Variants in DCDC1 observed in about 807,000 individuals in gnomAD.
The protein encoded by DCDC1 is doublecortin domain-containing protein 1.
Under a neutral mutation model 178.3 loss-of-function variants are expected in DCDC1, and 200 were observed. The observed-to-expected ratio is 1.12, with a 90% CI of 1.00 to 1.26. The LOEUF (loss-of-function observed/expected upper bound fraction) is 1.26, where lower values mean the gene tolerates loss of function less well. DCDC1 is among the 50% of genes most tolerant of loss of function. The probability of loss-of-function intolerance (pLI) is 0.00; values close to 1 mark genes in which losing one functional copy is unlikely to be tolerated. For missense variants in DCDC1, 1,983 were observed against 1,749.2 expected (o/e 1.13, Z -2.38); for synonymous variants, 690 against 604.8 (o/e 1.14, Z -2.07).
At chr11:30,962,054 T>G (rs1949131060) in intron 20 of DCDC1, among the ~76,000 whole-genome samples, 1 of 152,072 alleles carries the variant, frequency 6.6e-6, no homozygotes, top group Non-Finnish European at 1.5e-5. Flanking sequence ...TAGCCCATTT[T>G]TATTTTGCAA....
At chr11:31,327,561 G>GT in intron 3 of DCDC1, among the ~76,000 whole-genome samples, 1 of 152,044 alleles carries the variant, frequency 6.6e-6, no homozygotes. Flanking sequence ...TGCCATTATC[G>GT]TTATTATCAT....
intron 9 of DCDC1, among the ~76,000 whole-genome samples, chr11:31,210,289 CAA>C (rs1443301039): frequency 6.6e-6 from 1 of 152,176 alleles, no homozygotes; most frequent in Non-Finnish European, 1.5e-5. Context: ...CACTGACTAT[CAA>C]TTGTTCCCAG....
At chr11:30,904,447 T>G (rs1210891811) in intron 31 of DCDC1, 2 of 159,618 alleles carry the variant, frequency 1.3e-5, no homozygotes, top group Non-Finnish European at 2.8e-5. Flanking sequence ...TAGCTTCTTC[T>G]CTCTTCCTAT....
chr11:31,024,412 A>G (rs1428417611), intron 20 of DCDC1, among the ~76,000 whole-genome samples: 1 of 151,948 alleles, frequency 6.6e-6, no homozygotes, highest in Non-Finnish European at 1.5e-5. Context: ...AGGAACAAAG[A>G]CATGTAAAAA....
intron 7 of DCDC1, 26 bp downstream of exon 7, chr11:31,290,621 T>C: frequency 2.6e-6 from 4 of 1,567,306 alleles, no homozygotes; most frequent in Non-Finnish European, 3.5e-6. Context: ...ATTAAATTCA[T>C]AGTTCAATAT....
intron 38 of DCDC1, among the ~76,000 whole-genome samples, chr11:30,868,681 T>G (rs1377499257): frequency 2.6e-5 from 4 of 152,186 alleles, no homozygotes; most frequent in African/African-American, 9.7e-5. Flanking sequence ...TTTGGAAATC[T>G]TCTAAATTGG....
Position 30,915,731 on chromosome 11 carries a change from A to G in DCDC1, c.3453-20T>C. ...GAACAGCTGAGATAAAGAAATCTCTATTAGTGGCAGAAAAATGTCCCATGC... is the reference window on the plus strand; with the variant it reads ...GAACAGCTGAGATAAAGAAATCTCTGTTAGTGGCAGAAAAATGTCCCATGC... On this transcript the variant is annotated intron_variant, in intron 26 of 38. Coordinates refer to ENST00000684477, the MANE Select transcript of DCDC1 (RefSeq NM_001387274.1). 1 of 1,598,390 alleles carries G rather than the reference A, an allele frequency of 6.3e-7. No homozygotes were observed. Among genetic ancestry groups the G allele is most frequent in the African/African-American group, 1.3e-5 (1 of 74,830 alleles).
intron 12 of DCDC1, among the ~76,000 whole-genome samples, chr11:31,109,683 C>T (rs917939843): frequency 1.2e-4 from 18 of 152,244 alleles, no homozygotes; most frequent in African/African-American, 4.1e-4. Flanking sequence ...GCTGTGCGCT[C>T]GGGTGCATAA....
At chr11:31,252,485 G>A (rs1412083116) in intron 8 of DCDC1, among the ~76,000 whole-genome samples, 1 of 152,062 alleles carries the variant, frequency 6.6e-6, no homozygotes, top group Non-Finnish European at 1.5e-5. Flanking sequence ...TATATGATGT[G>A]TCTAATAGGA....
intron 20 of DCDC1, among the ~76,000 whole-genome samples, chr11:30,992,290 GAC>G (rs1565161382): frequency 6.6e-6 from 1 of 152,178 alleles, no homozygotes; most frequent in Non-Finnish European, 1.5e-5. Context: ...CTGAAATGGT[GAC>G]CATGTAGCTG....
At chr11:31,002,996 T>C (rs1000190667) in intron 20 of DCDC1, among the ~76,000 whole-genome samples, 1 of 152,032 alleles carries the variant, frequency 6.6e-6, no homozygotes, top group Non-Finnish European at 1.5e-5. Flanking sequence ...TACACTGTTA[T>C]AGAAATAAAC....
intron 20 of DCDC1, among the ~76,000 whole-genome samples, chr11:30,956,102 G>A (rs1022978088): frequency 2.6e-5 from 4 of 152,134 alleles, no homozygotes; most frequent in African/African-American, 4.8e-5. Context: ...TTCAAAATAT[G>A]GGAAAGTTTG....
chr11:31,265,275 C>T (rs560093613), intron 8 of DCDC1, among the ~76,000 whole-genome samples: 1 of 152,052 alleles, frequency 6.6e-6, no homozygotes. Context: ...TTATGGTTTA[C>T]TAAGGTTAAA....
At chr11:31,368,305 T>A (rs1339600289) in intron 1 of DCDC1, among the ~76,000 whole-genome samples, 1 of 152,114 alleles carries the variant, frequency 6.6e-6, no homozygotes, top group Non-Finnish European at 1.5e-5. Context: ...GCTTTTGCTG[T>A]AAAAAACAAA....
At chr11:30,889,336 A>G (rs1943576264) in intron 36 of DCDC1, among the ~76,000 whole-genome samples, 1 of 152,232 alleles carries the variant, frequency 6.6e-6, no homozygotes, top group Admixed American at 6.5e-5. Flanking sequence ...AATCATCCAG[A>G]ATAGCCACAG....
Position 31,150,497 on chromosome 11 carries a change from G to A in DCDC1, c.1222-12713C>T, listed in dbSNP as rs115083965. On this transcript the variant is annotated intron_variant, in intron 9 of 38. Coordinates refer to ENST00000684477, the MANE Select transcript of DCDC1 (RefSeq NM_001387274.1). ...AATATTGAGAATAGCTACTCAGAAT[G>A]GTGAGGCTATGATAAGTAGTATAAC... 4.0e-3 allele frequency among the ~76,000 whole-genome samples: 603 copies of A among 152,194 alleles called. 3 individuals carry two copies. Among genetic ancestry groups the A allele is most frequent in the African/African-American group, 0.014 (574 of 41,546 alleles).
rs1565631534 is a variant in DCDC1, at chr11:31,339,433, G to A, written c.-124-3869C>T. Reference sequence around the variant, plus strand: ...GAATAAATTTCTATTGTTTGTATACGATTCAGCCTAAGGTATTTTGTTATG... The same window carrying A: ...GAATAAATTTCTATTGTTTGTATACAATTCAGCCTAAGGTATTTTGTTATG... On this transcript the variant is annotated intron_variant, in intron 1 of 38. Coordinates refer to ENST00000684477, the MANE Select transcript of DCDC1 (RefSeq NM_001387274.1). Among the ~76,000 whole-genome samples the A allele has an allele frequency of 2.6e-5, 4 of 152,118 alleles. 1 individual carries two copies. Among genetic ancestry groups the A allele is most frequent in the Admixed American group, 2.6e-4 (4 of 15,274 alleles).
chr11:31,190,967 G>T (rs890623172), intron 9 of DCDC1, among the ~76,000 whole-genome samples: 1 of 152,000 alleles, frequency 6.6e-6, no homozygotes, highest in Admixed American at 6.6e-5. Context: ...AAAATCTAAG[G>T]ATTCTCAAGT....
intron 6 of DCDC1, among the ~76,000 whole-genome samples, chr11:31,297,894 G>A (rs1204962920): frequency 2.0e-5 from 3 of 151,886 alleles, no homozygotes; most frequent in Non-Finnish European, 2.9e-5. Flanking sequence ...CGCTTTTCTG[G>A]ACCAAACCAA....
Sources: allele counts gnomAD v4.1 joint callset (sites outside exome capture counted in the v4.1 genomes callset), GRCh38; gene constraint gnomAD v4.1.1; transcripts MANE v1.5; gene names NCBI Gene and HGNC (gene_info 2026-07-23, HGNC 2026-07-21).